SET: variants seen among roughly 807,000 people sequenced by gnomAD.
SET encodes SET nuclear proto-oncogene, also known as protein SET.
SET carries 4 observed loss-of-function variants against 39.0 expected under a neutral mutation model. The observed-to-expected ratio is 0.10, with a 90% confidence interval of 0.05 to 0.23. The LOEUF (loss-of-function observed/expected upper bound fraction) is 0.23. Among genes scored for constraint, SET ranks in the 10% least tolerant of loss-of-function variants. The probability of loss-of-function intolerance (pLI) is 1.00; values close to 1 mark genes in which losing one functional copy is unlikely to be tolerated. For synonymous variants in SET, 114 were observed against 115.9 expected, an observed-to-expected ratio of 0.98 and a Z score of 0.11; for missense variants, 137 against 329.7, an observed-to-expected ratio of 0.42 and a Z score of 4.53.
At chr9:128,685,573 A>G (rs1589449929), upstream of SET, among the ~76,000 whole-genome samples, 1 of 152,330 alleles carries the variant, frequency 6.6e-6, no homozygotes, top group South Asian at 2.1e-4. Context: ...CCAATTTTAC[A>G]GATCAGAACA....
chr9:128,691,282 C>T lies in SET; in HGVS notation c.131+55C>T, dbSNP rs996977867. On this transcript the variant is annotated intron_variant, in intron 2 of 7. Transcript: ENST00000322030. ...AATTTTCTGAGATGTGTCTAATAGCCCGGTAATTATCGAAGCTATGGTCAA... is the reference window on the plus strand; with the variant it reads ...AATTTTCTGAGATGTGTCTAATAGCTCGGTAATTATCGAAGCTATGGTCAA... 11 of 1,098,132 alleles carry T rather than the reference C, an allele frequency of 1.0e-5. No individual in the cohort carries two copies. In the Admixed American group the frequency reaches 1.8e-4, roughly 18 times the overall value. 68.0% of individuals were successfully genotyped at this position (1,098,132 alleles called of 1,614,324 possible). A position where few individuals can be genotyped will look rare whatever the true frequency, so the allele number is the denominator to read the frequency against.
chr9:128,691,546 C>T (rs1051247987), intron 2 of SET, among the ~76,000 whole-genome samples: 24 of 152,276 alleles, frequency 1.6e-4, no homozygotes, highest in African/African-American at 5.3e-4. Context: ...ATGGATTAGC[C>T]ACTTTATTTA....
intron 3 of SET, chr9:128,692,325 AG>A (rs1861567906): frequency 4.9e-6 from 1 of 203,544 alleles, no homozygotes; most frequent in East Asian, 1.2e-4. Context: ...TGAACCCAGG[AG>A]GGGGAGGTTG....
At chr9:128,690,068 T>G (rs1235664182) in intron 1 of SET, 1 of 835,050 alleles carries the variant, frequency 1.2e-6, no homozygotes, top group Non-Finnish European at 1.4e-6. Flanking sequence ...CCCGCGCGGT[T>G]CCGCTTCGCG....
chr9:128,693,129 T>TA (rs1424416592), intron 5 of SET, 148 bp downstream of exon 5: 2 of 625,904 alleles, frequency 3.2e-6, no homozygotes, highest in Non-Finnish European at 5.7e-6. Context: ...AGCCAAGTAT[T>TA]ACAGTAGTTT....
upstream of SET, among the ~76,000 whole-genome samples, chr9:128,686,034 A>C (rs919612516): frequency 1.2e-4 from 18 of 152,042 alleles, no homozygotes; most frequent in African/African-American, 3.9e-4. Context: ...AACAACAAAA[A>C]AAAAAACAAC....
At chr9:128,694,541 CTG>C (rs906510866) in intron 7 of SET, 98 bp from the exon 8 acceptor site, 2 of 705,654 alleles carry the variant, frequency 2.8e-6, no homozygotes, top group Non-Finnish European at 4.8e-6. Flanking sequence ...GGTTTAGAAA[CTG>C]GAGTGCCCCC....
chr9:128,692,578 C>G (rs182279876), intron 3 of SET, 84 bp from the exon 4 acceptor site: 12 of 916,324 alleles, frequency 1.3e-5, no homozygotes, highest in Non-Finnish European at 2.1e-5. Context: ...TCACTAAGTT[C>G]GGAAAAATTT....
At chr9:128,688,030 G>A (rs1454097234), upstream of SET, among the ~76,000 whole-genome samples, 1 of 152,176 alleles carries the variant, frequency 6.6e-6, no homozygotes, top group Non-Finnish European at 1.5e-5. Flanking sequence ...GGCCAAGGTG[G>A]TGAAACTCCA....
chr9:128,693,046 T>C (rs1001193718), intron 5 of SET, 65 bp downstream of exon 5: 2 of 1,037,672 alleles, frequency 1.9e-6, no homozygotes, highest in Admixed American at 2.1e-5. Flanking sequence ...TTTTAACCAC[T>C]TACAAGTGCT....
Position 128,692,911 on chromosome 9 carries a change from A to G in SET, c.422A>G (p.Lys141Arg), listed in dbSNP as rs1429567543. The G allele has an allele frequency of 6.2e-7, 1 of 1,606,302 alleles. No homozygotes were observed. The highest frequency in any genetic ancestry group is 1.7e-5 in the Admixed American group (1 of 59,906). ...NPYFENKVLS[K>R]EFHLNESGDP... is the part of the protein sequence containing the mutation. ...TACTTTGAAAATAAAGTTCTCTCCAAAGAATTTCATCTGAATGAGAGTGGT... is the reference window on the plus strand; with the variant it reads ...TACTTTGAAAATAAAGTTCTCTCCAGAGAATTTCATCTGAATGAGAGTGGT... Residue 141 changes from lysine (K) to arginine (R), a missense_variant, in exon 5 of 8, where the codon AAA becomes AGA. Transcript: ENST00000322030.
upstream of SET, among the ~76,000 whole-genome samples, chr9:128,685,734 T>C (rs1861259885): frequency 6.6e-6 from 1 of 152,154 alleles, no homozygotes; most frequent in South Asian, 2.1e-4. Context: ...TTCTGTCCTC[T>C]TCAAAGGGAG....
rs372294597 is a variant in SET, at chr9:128,694,012, T to A, written c.780T>A (p.Asp260Glu). The change falls in exon 7 of 8, where the codon GAT becomes GAA. Residue 260 changes from aspartate to glutamate, a missense_variant. This residue lies in a region of SET where 44 missense variants were observed against 63.0 expected (regional missense o/e 0.70). Transcript: ENST00000322030. ...EEGDEDEGEE[D>E]EDDDEGEEGE... Reference sequence around the variant, plus strand: ...GGGATGAGGATGAAGGTGAAGAAGATGAAGATGATGATGAAGGGGAGGAAG... The same window carrying A: ...GGGATGAGGATGAAGGTGAAGAAGAAGAAGATGATGATGAAGGGGAGGAAG... 4.8e-5 allele frequency: 74 copies of A among 1,538,506 alleles called. No individual in the cohort carries two copies. Among genetic ancestry groups the A allele is most frequent in the Non-Finnish European group, 6.2e-5 (70 of 1,126,594 alleles).
Position 128,692,836 on chromosome 9 carries a change from C to T in SET, c.379-32C>T, listed in dbSNP as rs747701676. On this transcript the variant is annotated intron_variant, in intron 4 of 7. Coordinates refer to ENST00000322030, the MANE Select transcript of SET (RefSeq NM_003011.4). ...GTGAGCTTTGGTTGGAAGACCTGTT[C>T]ATATTTCTAATCTTTCAATTATTTA... is the stretch of plus-strand genomic sequence containing the variant. The T allele has an allele frequency of 5.3e-6, 8 of 1,512,908 alleles. No individual in the cohort carries two copies. The East Asian group carries it at 6.8e-5, about 13-fold the overall frequency. The allele number at this position is 1,512,908 out of a possible 1,614,324, so 93.7% of individuals were successfully genotyped here. A position where few individuals can be genotyped will look rare whatever the true frequency, so the allele number is the denominator to read the frequency against.
chr9:128,691,885 T>G lies in SET; in HGVS notation c.159T>G (p.Ile53Met). The G allele has an allele frequency of 6.2e-7, 1 of 1,613,530 alleles. No individual in the cohort carries two copies. The highest frequency in any genetic ancestry group is 8.5e-7 in the Non-Finnish European group (1 of 1,179,688). ...TTAATGAACAAGCCAGTGAGGAGATTTTGAAAGTAGAACAGAAATATAACA... is the reference window on the plus strand; with the variant it reads ...TTAATGAACAAGCCAGTGAGGAGATGTTGAAAGTAGAACAGAAATATAACA... ...DRLNEQASEE[I>M]LKVEQKYNKL... Residue 53 changes from isoleucine (I) to methionine (M), a missense_variant, in exon 3 of 8, where the codon ATT becomes ATG. By Grantham distance (10) the Ile-to-Met change is conservative. Transcript: ENST00000322030.
chr9:128,684,418 C>T (rs1031923785), upstream of SET, among the ~76,000 whole-genome samples: 12 of 152,150 alleles, frequency 7.9e-5, no homozygotes, highest in South Asian at 4.1e-4. Context: ...CTGCCGACGG[C>T]GGCCCACAAC....
chr9:128,685,683 A>G (rs73669963), upstream of SET, among the ~76,000 whole-genome samples: 2,555 of 152,056 alleles, frequency 0.017, 81 homozygotes, highest in African/African-American at 0.058. Flanking sequence ...ACTGTGGGGG[A>G]ATGCCAGCCT....
chr9:128,694,933 ACAC>A lies in SET; in HGVS notation c.*274_*276del, dbSNP rs1861678070. ...TCTGAACAAAAACTGTATGGAATCA[ACAC>A]CACCGAGCTCTGTGGGAAAAAAGAA... is the stretch of plus-strand genomic sequence containing the variant. On this transcript the variant is annotated 3_prime_UTR_variant, in exon 8 of 8. Coordinates refer to ENST00000322030, the MANE Select transcript of SET (RefSeq NM_003011.4). 1 of 334,170 alleles carries A rather than the reference ACAC, an allele frequency of 3.0e-6. No homozygotes were observed. The highest frequency in any genetic ancestry group is 2.1e-5 in the African/African-American group (1 of 47,196). The allele number at this position is 334,170 out of a possible 1,614,324, so 20.7% of individuals were successfully genotyped here.
intron 1 of SET, chr9:128,690,962 G>A: frequency 1.6e-6 from 1 of 625,056 alleles, no homozygotes; most frequent in Non-Finnish European, 2.9e-6. Flanking sequence ...CAATTTCTGA[G>A]TAAACCAGCA....
Sources: gnomAD v4.1 joint callset for allele counts (sites outside exome capture counted in the v4.1 genomes callset) on GRCh38, gnomAD v4.1.1 for gene constraint, gnomAD v4.1.1 regional missense constraint, MANE v1.5 for transcripts, NCBI Gene and HGNC (gene_info 2026-07-23, HGNC 2026-07-21) for gene names.